The following VWDE variants were observed in gnomAD, a reference collection of about 807,000 sequenced individuals.
VWDE encodes von Willebrand factor D and EGF domain-containing protein.
A neutral mutation model predicts 178.4 loss-of-function variants in VWDE; 207 were observed. The observed-to-expected ratio is 1.16, with a 90% CI of 1.04 to 1.30. The LOEUF is 1.30. VWDE is among the 50% of genes most tolerant of loss of function. The pLI is 0.00. For missense variants in VWDE, 2,287 were observed against 1,901.3 expected, an observed-to-expected ratio of 1.20 and a Z score of -3.77; for synonymous variants, 738 against 651.4, an observed-to-expected ratio of 1.13 and a Z score of -2.02.
At chr7:12,390,557 A>T (rs1008378156) in intron 2 of VWDE, among the ~76,000 whole-genome samples, 1 of 151,742 alleles carries the variant, frequency 6.6e-6, no homozygotes, top group Non-Finnish European at 1.5e-5. Flanking sequence ...TATAATTTTT[A>T]AAATATAAAA....
intron 4 of VWDE, among the ~76,000 whole-genome samples, chr7:12,381,028 T>G (rs1160649746): frequency 1.3e-5 from 2 of 152,204 alleles, no homozygotes; most frequent in Non-Finnish European, 2.9e-5. Context: ...TTTGAAGCAC[T>G]TATCTTTTCT....
chr7:12,394,911 T>C (rs1784553591), intron 1 of VWDE, among the ~76,000 whole-genome samples: 1 of 152,094 alleles, frequency 6.6e-6, no homozygotes, highest in South Asian at 2.1e-4. Flanking sequence ...TCAACTTTAA[T>C]AAGGAGAACA....
chr7:12,373,268 T>C (rs542956089), intron 9 of VWDE, 21 bp from the exon 10 acceptor site: 133 of 1,546,094 alleles, frequency 8.6e-5, no homozygotes, highest in South Asian at 7.3e-4. Flanking sequence ...CAAAAGGCAA[T>C]TGCATTAAAA....
chr7:12,370,328 A>C lies in VWDE; in HGVS notation c.1978T>G (p.Ser660Ala). Reference sequence around the variant, plus strand: ...GTGACATCTAGTTCTGGTATCAAAGAAGATAAGCTGACATGATTGAGGTCT... The same window carrying C: ...GTGACATCTAGTTCTGGTATCAAAGCAGATAAGCTGACATGATTGAGGTCT... Reference protein sequence around the residue: ...CKDLNHVSLSSLIPELDVTSE... With the variant: ...CKDLNHVSLSALIPELDVTSE... The change falls in exon 12 of 29, where the codon TCT (serine) becomes GCT (alanine). Residue 660 changes from serine to alanine, a missense_variant. Physicochemically the swap from Ser to Ala is moderately conservative, Grantham distance 99 (BLOSUM62 1). Transcript: ENST00000275358. The C allele has an allele frequency of 6.4e-7, 1 of 1,551,280 alleles. No individual in the cohort carries two copies. The highest frequency in any genetic ancestry group is 8.7e-7 in the Non-Finnish European group (1 of 1,146,820).
At chr7:12,362,665 C>T (rs1226104844) in intron 13 of VWDE, among the ~76,000 whole-genome samples, 2 of 152,068 alleles carry the variant, frequency 1.3e-5, no homozygotes, top group Non-Finnish European at 2.9e-5. Flanking sequence ...CATGCTGATG[C>T]TTCAATATTG....
rs1486423081 is a variant in VWDE at position 12,356,309 on chromosome 7, A to G, written c.3547T>C (p.Cys1183Arg). The change falls in exon 18 of 29, where the codon TGC (cysteine) becomes CGC (arginine). Residue 1183 changes from cysteine (C) to arginine (R), a missense_variant. By Grantham distance (180) the Cys-to-Arg change is radical. Transcript: ENST00000275358. ...GATACACATGATCCACCATTCAAGC[A>G]ATCACAAGACTTCACAGTCACCTAC... ...TIEVTVKSCD[C>R]LNGGSCVSDR... 5.2e-6 allele frequency: 8 copies of G among 1,551,422 alleles called. No homozygotes were observed. The African/African-American group carries it at 1.1e-4, about 21-fold the overall frequency.
Position 12,356,287 on chromosome 7 carries a change from A to G in VWDE, c.3569T>C (p.Val1190Ala). ...SCDCLNGGSC[V>A]SDRNFSPGSG... The stretch of plus-strand genomic sequence containing the variant: ...CCCTGGAGAAAAGTTCCTATCAGAT[A>G]CACATGATCCACCATTCAAGCAATC... Residue 1190 changes from valine to alanine, a missense_variant, in exon 18 of 29, where the codon GTA (valine) becomes GCA (alanine). Transcript: ENST00000275358. The G allele has an allele frequency of 6.4e-7, 1 of 1,551,648 alleles. No individual in the cohort carries two copies.
chr7:12,394,630 C>A (rs1451661865), intron 1 of VWDE, among the ~76,000 whole-genome samples: 1 of 152,044 alleles, frequency 6.6e-6, no homozygotes, highest in Non-Finnish European at 1.5e-5. Flanking sequence ...CCCAAATTAC[C>A]CAAATAATAA....
intron 16 of VWDE, 146 bp downstream of exon 16, chr7:12,359,432 C>T (rs1782448401): frequency 7.5e-6 from 4 of 536,326 alleles, no homozygotes; most frequent in South Asian, 2.8e-5. Flanking sequence ...TATCCTATAC[C>T]CTCAACGTAA....
chr7:12,389,393 AGTTT>A, intron 2 of VWDE, 35 bp from the exon 3 acceptor site: 1 of 1,461,284 alleles, frequency 6.8e-7, no homozygotes, highest in Non-Finnish European at 9.3e-7. Context: ...TTGAAAATTC[AGTTT>A]ATTTTCATCC....
At chr7:12,362,753 A>G (rs1782656381) in intron 13 of VWDE, among the ~76,000 whole-genome samples, 1 of 152,124 alleles carries the variant, frequency 6.6e-6, no homozygotes, top group Admixed American at 6.6e-5. Context: ...TGAAGATTTG[A>G]TGATTGAAAG....
At chr7:12,337,492 A>G (rs1217484719) in intron 24 of VWDE, among the ~76,000 whole-genome samples, 1 of 152,230 alleles carries the variant, frequency 6.6e-6, no homozygotes, top group African/African-American at 2.4e-5. Flanking sequence ...ATATTGGTTA[A>G]GTGTTCATAA....
At chr7:12,365,119 G>C (rs1207102459) in intron 13 of VWDE, among the ~76,000 whole-genome samples, 1 of 151,980 alleles carries the variant, frequency 6.6e-6, no homozygotes, top group African/African-American at 2.4e-5. Flanking sequence ...AAGAAAGATG[G>C]AGCACTGTCA....
intron 28 of VWDE, among the ~76,000 whole-genome samples, chr7:12,331,855 C>G (rs915281299): frequency 1.3e-5 from 2 of 152,146 alleles, no homozygotes; most frequent in African/African-American, 4.8e-5. Context: ...TCAACCCACC[C>G]TCTTTAGCAC....
At chr7:12,374,621 T>C (rs1783406304) in intron 9 of VWDE, 68 bp downstream of exon 9, 1 of 1,123,838 alleles carries the variant, frequency 8.9e-7, no homozygotes, top group African/African-American at 1.6e-5. Context: ...AACAATACAC[T>C]GTTTAAAATA....
chr7:12,363,363 T>C (rs17165896), intron 13 of VWDE, among the ~76,000 whole-genome samples: 17,275 of 151,984 alleles, frequency 0.11, 1,285 homozygotes, highest in East Asian at 0.29. Flanking sequence ...AGCCTACAAA[T>C]ATAGACAAGA....
At chr7:12,389,034 A>G (rs1292248149) in intron 3 of VWDE, 93 bp downstream of exon 3, 1 of 910,620 alleles carries the variant, frequency 1.1e-6, no homozygotes, top group Non-Finnish European at 1.8e-6. Context: ...TCTTACTGAG[A>G]TTTGCACTAA....
intron 18 of VWDE, chr7:12,354,213 C>T (rs1176027136): frequency 2.5e-5 from 7 of 282,238 alleles, no homozygotes; most frequent in African/African-American, 1.1e-4. Context: ...TTTTTGCATC[C>T]TTTGTATCTA....
At chr7:12,342,238 C>G in intron 22 of VWDE, 84 bp from the exon 23 acceptor site, 1 of 913,264 alleles carries the variant, frequency 1.1e-6, no homozygotes, top group Non-Finnish European at 1.7e-6. Flanking sequence ...CTCATAACTG[C>G]TAATCACATC....
Sources: gnomAD v4.1 joint callset for allele counts (sites outside exome capture counted in the v4.1 genomes callset) on GRCh38, gnomAD v4.1.1 for gene constraint, MANE v1.5 for transcripts, NCBI Gene and HGNC (gene_info 2026-07-23, HGNC 2026-07-21) for gene names.